The following PPFIBP2 variants were observed in gnomAD, a reference collection of about 807,000 sequenced individuals.
The protein encoded by PPFIBP2 is PPFIB scaffold protein 2, also known as liprin-beta-2.
PPFIBP2 carries 118 observed loss-of-function variants against 118.3 expected under a neutral mutation model. That is an observed-to-expected ratio of 1.00 (90% CI 0.86 to 1.16). PPFIBP2 has a LOEUF of 1.16. PPFIBP2 is among the 50% of genes most tolerant of loss of function. PPFIBP2 has a pLI of 0.00. For missense variants in PPFIBP2, 1,195 were observed against 1,073.1 expected, an observed-to-expected ratio of 1.11 and a Z score of -1.59; for synonymous variants, 414 against 397.4, an observed-to-expected ratio of 1.04 and a Z score of -0.50.
chr11:7,654,859 A>C (rs1854538175), downstream of PPFIBP2, among the ~76,000 whole-genome samples: 1 of 152,212 alleles, frequency 6.6e-6, no homozygotes, highest in Admixed American at 6.5e-5. Context: ...CCTATAAAAC[A>C]AGGGAGGGGT....
rs778184150 is a variant in PPFIBP2 at position 7,630,937 on chromosome 11, G to T, written c.977G>T (p.Arg326Ile). The change falls in exon 11 of 24, where the codon AGA (arginine) becomes ATA (isoleucine). Residue 326 changes from arginine to isoleucine, a missense_variant. Physicochemically the swap from Arg to Ile is moderately conservative, Grantham distance 97. Transcript: ENST00000299492. ...TTAATGCTTGCAGGGCCTTCGGAGA[G>T]AACTCTCTCAATCAATGAAGAAGAA... ...IVMVTQGPSERTLSINEEEPE... is the reference protein window; with the variant it reads ...IVMVTQGPSEITLSINEEEPE... 14 of 1,613,830 alleles carry T rather than the reference G, an allele frequency of 8.7e-6. No individual in the cohort carries two copies. In the South Asian group the frequency reaches 1.5e-4, roughly 18 times the overall value.
chr11:7,645,422 G>T (rs11607040), intron 17 of PPFIBP2, among the ~76,000 whole-genome samples: 1 of 152,144 alleles, frequency 6.6e-6, no homozygotes, highest in African/African-American at 2.4e-5. Context: ...TGTGAGAAGA[G>T]CATATTTGAG....
intron 5 of PPFIBP2, among the ~76,000 whole-genome samples, chr11:7,601,203 A>G (rs1342618701): frequency 1.3e-5 from 2 of 152,116 alleles, no homozygotes; most frequent in African/African-American, 2.4e-5. Flanking sequence ...ATCCCCAACC[A>G]CAACATCCTC....
intron 22 of PPFIBP2, 160 bp from the exon 23 acceptor site, chr11:7,651,496 T>A (rs1853997665): frequency 1.6e-6 from 1 of 624,742 alleles, no homozygotes. Flanking sequence ...AGCCAGGCCC[T>A]GTGCCAGCCA....
chr11:7,629,285 A>G (rs111620444), intron 9 of PPFIBP2, among the ~76,000 whole-genome samples, 174 bp from the exon 10 acceptor site: 90 of 152,286 alleles, frequency 5.9e-4, no homozygotes, highest in African/African-American at 2.0e-3. Context: ...GCAGATGCCT[A>G]TGAGGCAGAC....
intron 3 of PPFIBP2, among the ~76,000 whole-genome samples, chr11:7,578,827 G>A (rs1252721706): frequency 6.6e-6 from 1 of 152,146 alleles, no homozygotes; most frequent in Non-Finnish European, 1.5e-5. Flanking sequence ...GGCAAATGGG[G>A]CATAGGGGAT....
intron 1 of PPFIBP2, among the ~76,000 whole-genome samples, chr11:7,532,254 G>A (rs918135431): frequency 6.6e-6 from 1 of 152,156 alleles, no homozygotes; most frequent in Non-Finnish European, 1.5e-5. Flanking sequence ...TTGGATTAGG[G>A]CCCACCCTAA....
chr11:7,529,215 C>G (rs917138996), intron 1 of PPFIBP2, among the ~76,000 whole-genome samples: 1 of 152,062 alleles, frequency 6.6e-6, no homozygotes, highest in Non-Finnish European at 1.5e-5. Flanking sequence ...TGTGAGAACC[C>G]GTTAAAGGCT....
chr11:7,527,851 A>G (rs11601436), intron 1 of PPFIBP2, among the ~76,000 whole-genome samples: 71,312 of 151,790 alleles, frequency 0.47, 17,700 homozygotes, highest in African/African-American at 0.63. Flanking sequence ...CTGGAACTGA[A>G]GAGTAAACGA....
intron 4 of PPFIBP2, among the ~76,000 whole-genome samples, chr11:7,594,931 A>G (rs1013675338): frequency 5.9e-5 from 9 of 151,746 alleles, no homozygotes; most frequent in East Asian, 3.9e-4. Context: ...AAAAAAAAAA[A>G]AAAAAAGAAA....
intron 2 of PPFIBP2, among the ~76,000 whole-genome samples, chr11:7,553,860 A>C (rs1853274575): frequency 6.6e-6 from 1 of 152,026 alleles, no homozygotes; most frequent in African/African-American, 2.4e-5. Flanking sequence ...GCTGGTTTTT[A>C]TGTTGATGCA....
the PPFIBP2 span, among the ~76,000 whole-genome samples, chr11:7,663,688 T>C: frequency 0.037 from 5,600 of 152,332 alleles, 119 homozygotes; most frequent in Non-Finnish European, 0.051. Flanking sequence ...AGTTCGAGCT[T>C]CCCGGCTGCT....
At chr11:7,656,705 C>T, downstream of PPFIBP2, 1 of 1,289,660 alleles carries the variant, frequency 7.8e-7, no homozygotes, top group Non-Finnish European at 1.0e-6. Flanking sequence ...TTAAACTGAC[C>T]CTTCGGCTGT....
intron 7 of PPFIBP2, 96 bp downstream of exon 7, chr11:7,621,123 A>G: frequency 1.1e-6 from 1 of 944,604 alleles, no homozygotes; most frequent in Non-Finnish European, 1.7e-6. Context: ...CTAAGTTTGA[A>G]AATGCAAATC....
chr11:7,592,114 G>T (rs1467694039), intron 3 of PPFIBP2, among the ~76,000 whole-genome samples: 1 of 152,180 alleles, frequency 6.6e-6, no homozygotes, highest in South Asian at 2.1e-4. Context: ...AGCTCAGATT[G>T]TATAATACTC....
chr11:7,659,876 T>G (rs1398373579), downstream of PPFIBP2, among the ~76,000 whole-genome samples: 6 of 114,368 alleles, frequency 5.2e-5, 1 homozygote, highest in Non-Finnish European at 1.0e-4. Context: ...CCCTTGTAAG[T>G]TGGATTCCTA....
At chr11:7,609,975 C>T (rs143334454) in intron 5 of PPFIBP2, among the ~76,000 whole-genome samples, 34 of 152,284 alleles carry the variant, frequency 2.2e-4, no homozygotes, top group African/African-American at 6.0e-4. Flanking sequence ...TGAGAAATTT[C>T]GTTCTTTGAA....
At chr11:7,651,060 A>G in intron 22 of PPFIBP2, 95 bp downstream of exon 22, 1 of 1,320,124 alleles carries the variant, frequency 7.6e-7, no homozygotes, top group South Asian at 1.5e-5. Flanking sequence ...CTAACGAAAA[A>G]AAATAGGTAC....
At chr11:7,520,755 C>T (rs746326246) in intron 1 of PPFIBP2, among the ~76,000 whole-genome samples, 9 of 152,200 alleles carry the variant, frequency 5.9e-5, no homozygotes, top group Admixed American at 2.0e-4. Context: ...ATTTTCCCTG[C>T]GTCCTTCTTC....
Sources: allele counts gnomAD v4.1 joint callset (sites outside exome capture counted in the v4.1 genomes callset), GRCh38; gene constraint gnomAD v4.1.1; transcripts MANE v1.5; gene names NCBI Gene and HGNC (gene_info 2026-07-23, HGNC 2026-07-21).